Variants in ASTN1 observed in about 807,000 individuals in gnomAD.
The protein encoded by ASTN1 is astrotactin 1, also known as astrotactin-1.
A neutral mutation model predicts 140.7 loss-of-function variants in ASTN1; 41 were observed. That is an observed-to-expected ratio of 0.29 (90% confidence interval 0.23 to 0.38). The LOEUF (loss-of-function observed/expected upper bound fraction) is 0.38, where lower values mean the gene tolerates loss of function less well. ASTN1 is among the 10% of genes least tolerant of loss of function. The pLI, the probability that ASTN1 is intolerant of heterozygous loss-of-function variation, is 1.00. For synonymous variants in ASTN1, 640 were observed against 652.2 expected, an observed-to-expected ratio of 0.98 and a Z score of 0.29; for missense variants, 1,479 against 1,678.8, an observed-to-expected ratio of 0.88 and a Z score of 2.08.
chr1:177,142,019 C>G (rs1448939654), intron 1 of ASTN1, among the ~76,000 whole-genome samples: 1 of 152,086 alleles, frequency 6.6e-6, no homozygotes, highest in Non-Finnish European at 1.5e-5. Flanking sequence ...TTACTGGATG[C>G]CCTTCATGCA....
chr1:177,024,115 C>A (rs1273925273), intron 6 of ASTN1, among the ~76,000 whole-genome samples: 1 of 152,200 alleles, frequency 6.6e-6, no homozygotes, highest in Non-Finnish European at 1.5e-5. Flanking sequence ...ATATTGGGGT[C>A]CCCCTGGATG....
At chr1:176,958,211 G>A in intron 10 of ASTN1, 134 bp downstream of exon 10, 3 of 1,343,298 alleles carry the variant, frequency 2.2e-6, no homozygotes, top group Non-Finnish European at 3.1e-6. Flanking sequence ...CAACATAGGG[G>A]GAATTTGCAG....
intron 1 of ASTN1, among the ~76,000 whole-genome samples, chr1:177,113,270 C>T (rs923876300): frequency 6.6e-6 from 1 of 152,192 alleles, no homozygotes; most frequent in Non-Finnish European, 1.5e-5. Flanking sequence ...AGCTTCCATA[C>T]AGCAGGAAAG....
At chr1:177,126,076 C>A (rs1681631597) in intron 1 of ASTN1, among the ~76,000 whole-genome samples, 1 of 152,178 alleles carries the variant, frequency 6.6e-6, no homozygotes, top group South Asian at 2.1e-4. Flanking sequence ...TTAAAAATGT[C>A]TTCCACCTAT....
At chr1:177,066,575 A>C (rs1318186752) in intron 1 of ASTN1, among the ~76,000 whole-genome samples, 1 of 152,102 alleles carries the variant, frequency 6.6e-6, no homozygotes, top group Admixed American at 6.6e-5. Flanking sequence ...TATACCATCC[A>C]AGTGCCCTGT....
At chr1:177,103,402 T>C (rs535251511) in intron 1 of ASTN1, among the ~76,000 whole-genome samples, 43 of 152,292 alleles carry the variant, frequency 2.8e-4, no homozygotes, top group Admixed American at 1.9e-3. Flanking sequence ...ATTTGTCCTC[T>C]GAACTCTCTC....
Position 176,863,333 on chromosome 1 carries a change from T to A in ASTN1, c.*951A>T. 1 of 985,822 alleles carries A rather than the reference T, an allele frequency of 1.0e-6. No homozygotes were observed. Among genetic ancestry groups the A allele is most frequent in the Non-Finnish European group, 1.2e-6 (1 of 829,948 alleles). The allele number at this position is 985,822 out of a possible 1,614,324, so 61.1% of individuals were successfully genotyped here. On this transcript the variant is annotated 3_prime_UTR_variant, in exon 23 of 23. Coordinates refer to ENST00000361833, the MANE Select transcript of ASTN1 (RefSeq NM_004319.3). ...AAGTGTTGACCCCTCCTGGTCCCAA[T>A]CAGACATCGGCCAAGCCTTACCTGT...
intron 2 of ASTN1, among the ~76,000 whole-genome samples, chr1:177,056,129 G>T (rs1413403140): frequency 6.6e-6 from 1 of 152,170 alleles, no homozygotes; most frequent in Non-Finnish European, 1.5e-5. Context: ...GTAGAAAGTT[G>T]TTATGCAGCA....
chr1:177,070,559 T>C (rs1266243827), intron 1 of ASTN1, among the ~76,000 whole-genome samples: 2 of 127,252 alleles, frequency 1.6e-5, no homozygotes, highest in Non-Finnish European at 3.3e-5. Context: ...TCTTATCATC[T>C]AAGATTCAAC....
intron 15 of ASTN1, among the ~76,000 whole-genome samples, chr1:176,935,061 T>C (rs1399937665): frequency 6.6e-6 from 1 of 152,236 alleles, no homozygotes; most frequent in Non-Finnish European, 1.5e-5. Context: ...TTGGATTTGC[T>C]GTCTCTCTTT....
At chr1:176,970,253 G>A (rs1401343731) in intron 8 of ASTN1, among the ~76,000 whole-genome samples, 1 of 152,188 alleles carries the variant, frequency 6.6e-6, no homozygotes, top group Non-Finnish European at 1.5e-5. Flanking sequence ...TTGACTTGAT[G>A]CTTGTCCTTC....
intron 1 of ASTN1, among the ~76,000 whole-genome samples, chr1:177,087,263 G>C (rs1679520173): frequency 1.3e-5 from 2 of 152,162 alleles, no homozygotes; most frequent in African/African-American, 4.8e-5. Context: ...ACCGTGACTT[G>C]TGTAAAGAAA....
intron 16 of ASTN1, among the ~76,000 whole-genome samples, chr1:176,932,403 T>C (rs558481808): frequency 2.8e-4 from 43 of 151,582 alleles, no homozygotes; most frequent in African/African-American, 7.1e-4. Flanking sequence ...ACATTCCCTT[T>C]TGCTGCATTT....
intron 12 of ASTN1, 124 bp from the exon 13 acceptor site, chr1:176,946,244 C>A (rs1299147094): frequency 4.3e-6 from 4 of 935,554 alleles, no homozygotes; most frequent in Non-Finnish European, 6.1e-6. Context: ...ATTAGATTTC[C>A]AAGTTATATT....
intron 1 of ASTN1, among the ~76,000 whole-genome samples, chr1:177,158,655 CGTGT>C (rs34610563): frequency 0.22 from 31,593 of 142,568 alleles, 3,637 homozygotes; most frequent in East Asian, 0.33. Context: ...GAAAAAAGTA[CGTGT>C]GTGTGTGTGT....
chr1:177,124,627 C>T (rs1486639619), intron 1 of ASTN1, among the ~76,000 whole-genome samples: 1 of 152,084 alleles, frequency 6.6e-6, no homozygotes, highest in Non-Finnish European at 1.5e-5. Context: ...GAAGCCACTG[C>T]CCAGAGGAAC....
At chr1:177,011,592 T>C (rs907131132) in intron 8 of ASTN1, among the ~76,000 whole-genome samples, 16 of 146,872 alleles carry the variant, frequency 1.1e-4, no homozygotes, top group African/African-American at 4.0e-4. Flanking sequence ...AACACACACA[T>C]ACCATACAAT....
At chr1:176,940,461 C>A (rs888723114) in intron 14 of ASTN1, among the ~76,000 whole-genome samples, 9 of 152,154 alleles carry the variant, frequency 5.9e-5, no homozygotes, top group Non-Finnish European at 7.3e-5. Context: ...CAATATGCAC[C>A]CCTAACTAAT....
intron 1 of ASTN1, among the ~76,000 whole-genome samples, chr1:177,094,966 G>C (rs1679958057): frequency 6.6e-6 from 1 of 152,148 alleles, no homozygotes; most frequent in Non-Finnish European, 1.5e-5. Flanking sequence ...ATAGAAATGA[G>C]AAACATGTTA....
Sources: gnomAD v4.1 joint callset for allele counts (sites outside exome capture counted in the v4.1 genomes callset) on GRCh38, gnomAD v4.1.1 for gene constraint, MANE v1.5 for transcripts, NCBI Gene and HGNC (gene_info 2026-07-23, HGNC 2026-07-21) for gene names.